Variants in AOPEP observed in about 807,000 individuals in gnomAD.
AOPEP encodes the protein aminopeptidase O.
AOPEP carries 77 observed loss-of-function variants against 98.1 expected under a neutral mutation model. The observed-to-expected ratio is 0.78, with a 90% CI of 0.65 to 0.95. AOPEP has a LOEUF of 0.95. Among genes scored for constraint, AOPEP ranks in the 40% least tolerant of loss-of-function variants. The pLI is 0.00. For synonymous variants in AOPEP, 346 were observed against 365.3 expected (o/e 0.95, Z 0.60); for missense variants, 1,024 against 1,024.7 (o/e 1.00, Z 0.01).
intron 1 of AOPEP, among the ~76,000 whole-genome samples, chr9:94,745,539 T>C (rs1834284497): frequency 6.6e-6 from 1 of 152,124 alleles, no homozygotes; most frequent in Admixed American, 6.5e-5. Flanking sequence ...CCTCCCAAAG[T>C]GCTGGGATTA....
chr9:95,028,028 CT>C (rs1263188036), intron 13 of AOPEP, among the ~76,000 whole-genome samples: 2 of 152,192 alleles, frequency 1.3e-5, no homozygotes, highest in Admixed American at 6.5e-5. Flanking sequence ...GCCTGTTTAT[CT>C]TTCAAATTTG....
At chr9:94,951,402 G>A (rs2058089907) in intron 7 of AOPEP, among the ~76,000 whole-genome samples, 1 of 152,168 alleles carries the variant, frequency 6.6e-6, no homozygotes, top group South Asian at 2.1e-4. Flanking sequence ...CTGTGGACCT[G>A]GGTTCTTAAC....
chr9:94,821,291 A>G (rs1853067585), intron 5 of AOPEP, among the ~76,000 whole-genome samples: 1 of 152,204 alleles, frequency 6.6e-6, no homozygotes, highest in African/African-American at 2.4e-5. Context: ...TTCAGTGGTG[A>G]GCAGGCAAGA....
chr9:95,027,242 A>G (rs2063916319), intron 13 of AOPEP, among the ~76,000 whole-genome samples: 1 of 152,198 alleles, frequency 6.6e-6, no homozygotes, highest in African/African-American at 2.4e-5. Context: ...AGTGTGGGTG[A>G]CAGAGCCAGA....
chr9:95,110,078 G>T, the AOPEP span: 1 of 194,268 alleles, frequency 5.1e-6, no homozygotes, highest in Non-Finnish European at 9.4e-6. Context: ...ATGGATGCCT[G>T]CCACTGCCCC....
chr9:94,735,949 C>T (rs1831660879), intron 1 of AOPEP, among the ~76,000 whole-genome samples: 4 of 152,214 alleles, frequency 2.6e-5, no homozygotes, highest in Admixed American at 2.6e-4. Context: ...TCTTTCACGT[C>T]TCACGGTGTT....
chr9:94,955,336 C>A, intron 8 of AOPEP, 57 bp downstream of exon 8: 2 of 1,014,088 alleles, frequency 2.0e-6, no homozygotes, highest in South Asian at 1.4e-5. Flanking sequence ...TTTTAGGCCA[C>A]ACAATTAAAC....
At chr9:94,758,574 CA>C (rs1371115092) in intron 1 of AOPEP, among the ~76,000 whole-genome samples, 1 of 152,162 alleles carries the variant, frequency 6.6e-6, no homozygotes, top group Non-Finnish European at 1.5e-5. Context: ...CTTGAAAATT[CA>C]AGCAAGTAAT....
At chr9:94,994,806 C>T (rs1042739245) in intron 11 of AOPEP, among the ~76,000 whole-genome samples, 2 of 152,048 alleles carry the variant, frequency 1.3e-5, no homozygotes, top group Non-Finnish European at 2.9e-5. Flanking sequence ...ACAAAATTAG[C>T]CGGGTGTGGT....
chr9:94,800,667 T>C, intron 4 of AOPEP, 90 bp from the exon 5 acceptor site: 1 of 1,359,726 alleles, frequency 7.4e-7, no homozygotes, highest in Admixed American at 1.7e-5. Flanking sequence ...AACCTCTGTC[T>C]CCTAAAAGTT....
chr9:94,985,098 A>G (rs2060433946), intron 11 of AOPEP, among the ~76,000 whole-genome samples: 1 of 152,258 alleles, frequency 6.6e-6, no homozygotes, highest in South Asian at 2.1e-4. Context: ...TCTTTGGAGG[A>G]AGTGCTCAGC....
intron 1 of AOPEP, among the ~76,000 whole-genome samples, chr9:94,741,326 G>T (rs903945721): frequency 3.3e-5 from 5 of 151,680 alleles, no homozygotes; most frequent in Non-Finnish European, 7.4e-5. Flanking sequence ...AGGCTGGAGT[G>T]CAGTGGTGCG....
intron 5 of AOPEP, among the ~76,000 whole-genome samples, chr9:94,829,195 TACAC>T (rs137955329): frequency 4.7e-5 from 7 of 150,440 alleles, no homozygotes; most frequent in South Asian, 4.2e-4. Context: ...TAAACCAGTT[TACAC>T]ACACACACAC....
At chr9:95,048,771 T>G (rs1232342708) in intron 13 of AOPEP, 1 of 152,200 alleles carries the variant, frequency 6.6e-6, no homozygotes, top group East Asian at 1.9e-4. Context: ...TCAGAGTGAT[T>G]CAAGGGCATA....
At chr9:94,845,081 A>C (rs1348958099) in intron 5 of AOPEP, among the ~76,000 whole-genome samples, 10 of 152,266 alleles carry the variant, frequency 6.6e-5, no homozygotes, top group Non-Finnish European at 1.2e-4. Flanking sequence ...AGGGGAGACA[A>C]ATAGGCAGAT....
chr9:95,087,851 T>C (rs2070805613), downstream of AOPEP, among the ~76,000 whole-genome samples: 1 of 152,206 alleles, frequency 6.6e-6, no homozygotes, highest in Non-Finnish European at 1.5e-5. Flanking sequence ...CAAGTTGGGC[T>C]GAGCATGAGT....
At chr9:95,064,731 T>TGGAAGTCA (rs2067696015) in intron 14 of AOPEP, among the ~76,000 whole-genome samples, 1 of 152,206 alleles carries the variant, frequency 6.6e-6, no homozygotes, top group African/African-American at 2.4e-5. Context: ...AGTCCAAAGG[T>TGGAAGTCA]GGAAGTTGTG....
intron 14 of AOPEP, among the ~76,000 whole-genome samples, chr9:95,070,490 CTGGTGGCA>C (rs1370470518): frequency 2.0e-5 from 3 of 152,096 alleles, no homozygotes; most frequent in African/African-American, 7.2e-5. Flanking sequence ...ATAAATAGGA[CTGGTGGCA>C]TTCTTCAAAG....
chr9:94,853,915 A>G (rs928400164), intron 5 of AOPEP, among the ~76,000 whole-genome samples: 2 of 152,198 alleles, frequency 1.3e-5, no homozygotes, highest in Non-Finnish European at 2.9e-5. Context: ...TTTACTTCAC[A>G]CTTGGGCAGA....
Sources: allele counts gnomAD v4.1 joint callset (sites outside exome capture counted in the v4.1 genomes callset), GRCh38; gene constraint gnomAD v4.1.1; transcripts MANE v1.5; gene names NCBI Gene and HGNC (gene_info 2026-07-23, HGNC 2026-07-21).